MYO16: variants seen among roughly 807,000 people sequenced by gnomAD.
MYO16 encodes myosin XVI, also known as unconventional myosin-XVI.
MYO16 carries 94 observed loss-of-function variants against 205.3 expected under a neutral mutation model. That is an observed-to-expected ratio of 0.46 (90% CI 0.39 to 0.54). The LOEUF is 0.54. Ranked by LOEUF, MYO16 falls within the 20% of genes least tolerant of loss-of-function variation. The pLI is 0.00. For synonymous variants in MYO16, 988 were observed against 954.0 expected (o/e 1.04, Z -0.66); for missense variants, 2,315 against 2,387.5 (o/e 0.97, Z 0.63).
chr13:108,750,448 C>T (rs1885195196), intron 4 of MYO16, among the ~76,000 whole-genome samples: 1 of 151,992 alleles, frequency 6.6e-6, no homozygotes, highest in Non-Finnish European at 1.5e-5. Flanking sequence ...CTTCAAACCA[C>T]AAAGTTACTT....
intron 4 of MYO16, chr13:108,779,901 T>G (rs573543507): frequency 2.2e-4 from 34 of 152,234 alleles, no homozygotes; most frequent in Admixed American, 1.8e-3. Flanking sequence ...AAAACATGGG[T>G]CGACCTGGAG....
Position 109,168,846 on chromosome 13 carries a change from G to A in MYO16, c.5323+3787G>A, listed in dbSNP as rs546812911. On this transcript the variant is annotated intron_variant, in intron 33 of 34. Transcript: ENST00000457511. ...GCAAATATGACAACAGAACTTTTAG[G>A]ACATGTCTAATGTCTTTTGTGTATG... Among the ~76,000 whole-genome samples the A allele has an allele frequency of 2.6e-5, 4 of 152,160 alleles. No individual in the cohort carries two copies. The South Asian group carries it at 6.2e-4, about 24-fold the overall frequency.
intron 20 of MYO16, among the ~76,000 whole-genome samples, chr13:108,989,990 A>C (rs999255905): frequency 1.3e-5 from 2 of 152,170 alleles, no homozygotes; most frequent in African/African-American, 4.8e-5. Flanking sequence ...ATTTGTATAC[A>C]TGATGAAACT....
the MYO16 span, among the ~76,000 whole-genome samples, chr13:108,496,994 C>CT: frequency 6.6e-6 from 1 of 152,322 alleles, no homozygotes; most frequent in South Asian, 2.1e-4. Flanking sequence ...TCTCTGGAGT[C>CT]TGTGTTGGGA....
At chr13:108,841,040 C>G (rs1877214911) in intron 9 of MYO16, among the ~76,000 whole-genome samples, 1 of 152,108 alleles carries the variant, frequency 6.6e-6, no homozygotes, top group Non-Finnish European at 1.5e-5. Context: ...AATTCACAAA[C>G]AAATTCAAAA....
At chr13:108,510,451 A>AC in the MYO16 span, among the ~76,000 whole-genome samples, 1 of 80,936 alleles carries the variant, frequency 1.2e-5, no homozygotes, top group Non-Finnish European at 2.4e-5. Context: ...TATATTTAAC[A>AC]TTGATAGCTG....
intron 10 of MYO16, among the ~76,000 whole-genome samples, chr13:108,844,924 G>A (rs916390516): frequency 2.6e-5 from 4 of 152,032 alleles, no homozygotes; most frequent in Admixed American, 1.3e-4. Context: ...GTATCTGTAC[G>A]TGTCTGTGTG....
chr13:108,804,905 G>C (rs1290348623), intron 6 of MYO16, among the ~76,000 whole-genome samples: 1 of 152,168 alleles, frequency 6.6e-6, no homozygotes, highest in Non-Finnish European at 1.5e-5. Context: ...AATGGTGAGA[G>C]CCAATTTTTG....
chr13:108,517,716 T>C, the MYO16 span, among the ~76,000 whole-genome samples: 2 of 152,210 alleles, frequency 1.3e-5, no homozygotes, highest in East Asian at 1.9e-4. Context: ...CAGTGTTTTG[T>C]TTGCTGCTCA....
chr13:108,547,177 C>A, the MYO16 span, among the ~76,000 whole-genome samples: 2 of 150,520 alleles, frequency 1.3e-5, no homozygotes, highest in Non-Finnish European at 2.9e-5. Context: ...GAGGCTGAGG[C>A]AGGAGCATGG....
At chr13:108,913,798 T>C (rs1032916894) in intron 16 of MYO16, among the ~76,000 whole-genome samples, 1 of 152,240 alleles carries the variant, frequency 6.6e-6, no homozygotes, top group Admixed American at 6.5e-5. Context: ...AACTTAGGTG[T>C]ATGTGCCTGT....
intron 2 of MYO16, among the ~76,000 whole-genome samples, chr13:108,678,413 C>G (rs1882322124): frequency 6.6e-6 from 1 of 152,008 alleles, no homozygotes; most frequent in Non-Finnish European, 1.5e-5. Context: ...AAAAGAAAAC[C>G]AAACCACCTC....
At chr13:108,657,603 A>G (rs1483026589) in intron 1 of MYO16, among the ~76,000 whole-genome samples, 3 of 151,998 alleles carry the variant, frequency 2.0e-5, no homozygotes, top group Non-Finnish European at 4.4e-5. Flanking sequence ...ATCTTCTTAC[A>G]TTTTCCTATA....
At chr13:109,148,625 G>A (rs1877472484) in intron 32 of MYO16, among the ~76,000 whole-genome samples, 1 of 152,196 alleles carries the variant, frequency 6.6e-6, no homozygotes, top group Non-Finnish European at 1.5e-5. Flanking sequence ...TGAGCTCCAA[G>A]TGGCCCATGA....
chr13:108,659,652 G>A (rs1198397516), intron 1 of MYO16, among the ~76,000 whole-genome samples: 1 of 152,152 alleles, frequency 6.6e-6, no homozygotes, highest in African/African-American at 2.4e-5. Context: ...TTCTGTAAGA[G>A]CAGGACTAAG....
intron 16 of MYO16, among the ~76,000 whole-genome samples, chr13:108,915,531 T>C (rs1020489705): frequency 6.6e-6 from 1 of 152,176 alleles, no homozygotes; most frequent in Non-Finnish European, 1.5e-5. Flanking sequence ...GCTATTTCAA[T>C]TTTTCTTACC....
chr13:109,081,100 A>G (rs1231128336), intron 27 of MYO16, among the ~76,000 whole-genome samples: 1 of 152,170 alleles, frequency 6.6e-6, no homozygotes, highest in Non-Finnish European at 1.5e-5. Flanking sequence ...ACATAGACAT[A>G]TATATGTGAG....
chr13:108,986,135 G>A lies in MYO16; in HGVS notation c.2370-6241G>A, dbSNP rs115157990. Among the ~76,000 whole-genome samples, 1,166 of 152,144 alleles carry A rather than the reference G, an allele frequency of 7.7e-3. 13 individuals carry two copies. Among genetic ancestry groups the A allele is most frequent in the African/African-American group, 0.027 (1,104 of 41,504 alleles). On this transcript the variant is annotated intron_variant, in intron 20 of 34. Coordinates refer to ENST00000457511, the MANE Select transcript of MYO16 (RefSeq NM_001198950.3). ...ACTTATTCACTATCATGAGATTATC[G>A]TGAGAAAAATCTGTCCCCATGATTC...
chr13:108,683,041 C>G (rs2139474242), intron 2 of MYO16, among the ~76,000 whole-genome samples: 1 of 152,258 alleles, frequency 6.6e-6, no homozygotes, highest in East Asian at 1.9e-4. Flanking sequence ...CTCATCCTTA[C>G]CCCCATCTCA....
Sources: allele counts gnomAD v4.1 joint callset (sites outside exome capture counted in the v4.1 genomes callset), GRCh38; gene constraint gnomAD v4.1.1; transcripts MANE v1.5; gene names NCBI Gene and HGNC (gene_info 2026-07-23, HGNC 2026-07-21).